Variants in EMSY observed in about 807,000 individuals in gnomAD.
EMSY encodes BRCA2-interacting transcriptional repressor EMSY.
Under a neutral mutation model 134.6 loss-of-function variants are expected in EMSY, and 26 were observed. The observed-to-expected ratio is 0.19, with a 90% confidence interval of 0.14 to 0.27. The LOEUF (loss-of-function observed/expected upper bound fraction) is 0.27, where lower values mean the gene tolerates loss of function less well. Ranked by LOEUF, EMSY falls within the 10% of genes least tolerant of loss-of-function variation. The pLI, the probability that EMSY is intolerant of heterozygous loss-of-function variation, is 1.00. For synonymous variants in EMSY, 579 were observed against 577.8 expected (o/e 1.00, Z -0.03); for missense variants, 1,305 against 1,611.4 (o/e 0.81, Z 3.26).
intron 5 of EMSY, chr11:76,459,608 G>C (rs369411228): frequency 2.9e-4 from 64 of 224,412 alleles, no homozygotes; most frequent in African/African-American, 1.4e-3. Flanking sequence ...GTAAGTGCCT[G>C]TTGTCCCACT....
Position 76,528,401 on chromosome 11 carries a change from A to G in EMSY, c.2129A>G (p.Lys710Arg), listed in dbSNP as rs768901900. 5.0e-6 allele frequency: 8 copies of G among 1,612,378 alleles called. 1 individual carries two copies. In the South Asian group the frequency reaches 6.6e-5, roughly 13 times the overall value. Reference sequence around the variant, plus strand: ...GGTAATTCATCTATTCAGGAAGGAAAAGAAGAACCACAGAATTATACAGAT... The same window carrying G: ...GGTAATTCATCTATTCAGGAAGGAAGAGAAGAACCACAGAATTATACAGAT... The change falls in exon 14 of 21, where the codon AAA becomes AGA. Residue 710 changes from lysine to arginine, a missense_variant. Around this residue, in one of 7 missense-constraint regions of EMSY, gnomAD observed 664 missense variants for 763.9 expected, o/e 0.87. Coordinates refer to ENST00000334736, the Ensembl canonical transcript of EMSY.
chr11:76,527,498 A>C (rs371999004), intron 13 of EMSY, among the ~76,000 whole-genome samples: 18 of 152,300 alleles, frequency 1.2e-4, no homozygotes, highest in East Asian at 7.7e-4. Flanking sequence ...AGAAACAAAA[A>C]TAATTATGAG....
chr11:76,516,306 G>A (rs1481027839), exon 11 of EMSY: 3 of 1,605,712 alleles, frequency 1.9e-6, no homozygotes, highest in East Asian at 2.2e-5. Context: ...CAGTAATATA[G>A]TTTCTGGTAG....
rs1040054709 is a variant in EMSY at position 76,486,075 on chromosome 11, A to G, written c.1109-10140A>G. ...ACCATGGAATACTACGCAGCCATAA[A>G]AGAGGATGATTTCATGTCCTTTGCG... On this transcript the variant is annotated intron_variant, in intron 8 of 20. Coordinates refer to ENST00000334736, the Ensembl canonical transcript of EMSY. 2.0e-5 allele frequency among the ~76,000 whole-genome samples: 3 copies of G among 152,204 alleles called. 1 individual carries two copies. Among genetic ancestry groups the G allele is most frequent in the African/African-American group, 7.2e-5 (3 of 41,446 alleles).
intron 5 of EMSY, chr11:76,459,210 G>C (rs1948004994): frequency 6.6e-6 from 1 of 152,176 alleles, no homozygotes; most frequent in African/African-American, 2.4e-5. Flanking sequence ...ATCTTAATTT[G>C]TCATTTCCTA....
intron 7 of EMSY, among the ~76,000 whole-genome samples, chr11:76,468,762 T>C (rs1458116344): frequency 6.6e-6 from 1 of 152,198 alleles, no homozygotes; most frequent in African/African-American, 2.4e-5. Context: ...ATTTTAAATA[T>C]AACATTGATG....
At chr11:76,518,884 C>G (rs375993759) in intron 11 of EMSY, among the ~76,000 whole-genome samples, 14 of 114,044 alleles carry the variant, frequency 1.2e-4, no homozygotes, top group African/African-American at 2.6e-4. Flanking sequence ...GTGTGTGTGT[C>G]ATTATAAATA....
intron 12 of EMSY, among the ~76,000 whole-genome samples, chr11:76,525,960 A>C (rs181195191): frequency 9.9e-5 from 15 of 152,240 alleles, no homozygotes; most frequent in Non-Finnish European, 5.9e-5. Context: ...ATAATTTCAT[A>C]TATGTAGAAC....
chr11:76,469,581 T>TTAATAATA (rs1317134252), intron 7 of EMSY, among the ~76,000 whole-genome samples: 10 of 152,268 alleles, frequency 6.6e-5, no homozygotes, highest in Non-Finnish European at 1.5e-4. Flanking sequence ...AATAAGCTAC[T>TTAATAATA]AATAAGTACC....
intron 9 of EMSY, among the ~76,000 whole-genome samples, chr11:76,499,053 C>T (rs1486843936): frequency 6.6e-6 from 1 of 152,158 alleles, no homozygotes; most frequent in Admixed American, 6.5e-5. Flanking sequence ...CCTCCGCCTC[C>T]TGGGTTTAAG....
intron 18 of EMSY, among the ~76,000 whole-genome samples, chr11:76,543,936 C>T (rs111277313): frequency 0.013 from 1,917 of 152,286 alleles, 32 homozygotes; most frequent in African/African-American, 0.041. Flanking sequence ...ATAGGCCAGA[C>T]GGCTGTTTCC....
chr11:76,551,030 A>G (rs1951821434), exon 21 of EMSY: 1 of 152,814 alleles, frequency 6.5e-6, no homozygotes, highest in Admixed American at 6.5e-5. Flanking sequence ...ATTCATTCAT[A>G]TGATGCTTTC....
At chr11:76,508,234 C>T (rs774219352) in intron 9 of EMSY, among the ~76,000 whole-genome samples, 35 of 151,994 alleles carry the variant, frequency 2.3e-4, no homozygotes, top group South Asian at 2.1e-4. Context: ...GCCTGCACAA[C>T]GGATGTTATG....
chr11:76,453,354 G>C (rs1448978157), exon 4 of EMSY: 5 of 1,613,044 alleles, frequency 3.1e-6, no homozygotes, highest in Non-Finnish European at 4.2e-6. Context: ...TCGGAGAGCA[G>C]TAAACGATGA....
rs1383821987 is a variant in EMSY at position 76,526,625 on chromosome 11, G to A, written c.1985G>A (p.Gly662Glu). Residue 662 changes from glycine to glutamate, a missense_variant, in exon 13 of 21, where the codon GGG becomes GAG. Physicochemically the swap from Gly to Glu is moderately conservative, Grantham distance 98. This residue lies in a region of EMSY where 198 missense variants were observed against 287.6 expected (regional missense o/e 0.69). Transcript: ENST00000334736. Reference sequence around the variant, plus strand: ...ACAAAAATTGTTTATGGGCAGCAAGGGAAAACGCAGGTATGCTATAAGATA... The same window carrying A: ...ACAAAAATTGTTTATGGGCAGCAAGAGAAAACGCAGGTATGCTATAAGATA... 4 of 1,611,928 alleles carry A rather than the reference G, an allele frequency of 2.5e-6. No homozygotes were observed. In the Admixed American group the frequency reaches 5.0e-5, roughly 20 times the overall value.
chr11:76,545,391 A>G (rs1290616891), intron 19 of EMSY, among the ~76,000 whole-genome samples: 1 of 152,152 alleles, frequency 6.6e-6, no homozygotes, highest in South Asian at 2.1e-4. Context: ...ATACATATAT[A>G]TAGGATATGT....
intron 9 of EMSY, among the ~76,000 whole-genome samples, chr11:76,510,738 C>T (rs1020897054): frequency 3.3e-5 from 5 of 152,192 alleles, no homozygotes; most frequent in African/African-American, 1.2e-4. Flanking sequence ...TAGTAGGTAG[C>T]TGAGTGCAGG....
At position 76,488,733 on chromosome 11, in the gene EMSY, C is replaced by T. The variant is rs530494346; in HGVS notation, c.1109-7482C>T. Among the ~76,000 whole-genome samples the T allele has an allele frequency of 1.7e-4, 26 of 152,238 alleles. No individual in the cohort carries two copies. In the South Asian group the frequency reaches 5.4e-3, roughly 32 times the overall value. On this transcript the variant is annotated intron_variant, in intron 8 of 20. Coordinates refer to ENST00000334736, the Ensembl canonical transcript of EMSY. Reference sequence around the variant, plus strand: ...AAGGGAGGCTCAAGTTAGGCATTAGCTCATTTGAGCCATCAAGGAATTTCT... The same window carrying T: ...AAGGGAGGCTCAAGTTAGGCATTAGTTCATTTGAGCCATCAAGGAATTTCT...
chr11:76,485,663 T>C (rs1319044021), intron 8 of EMSY, among the ~76,000 whole-genome samples: 1 of 152,112 alleles, frequency 6.6e-6, no homozygotes, highest in Non-Finnish European at 1.5e-5. Context: ...CTCTCACCAC[T>C]CCTATTCAAC....
Sources: gnomAD v4.1 joint callset for allele counts (sites outside exome capture counted in the v4.1 genomes callset) on GRCh38, gnomAD v4.1.1 for gene constraint, gnomAD v4.1.1 regional missense constraint, MANE v1.5 for transcripts, NCBI Gene and HGNC (gene_info 2026-07-23, HGNC 2026-07-21) for gene names.